ROS1: variants seen among roughly 807,000 people sequenced by gnomAD.
The protein encoded by ROS1 is proto-oncogene tyrosine-protein kinase ROS.
Under a neutral mutation model 273.5 loss-of-function variants are expected in ROS1, and 263 were observed. The ratio of observed to expected loss-of-function variants is 0.96; its 90% confidence interval spans 0.87 to 1.06. ROS1 has a LOEUF of 1.06. ROS1 is among the 50% of genes least tolerant of loss of function. The probability of loss-of-function intolerance (pLI) is 0.00; values close to 1 mark genes in which losing one functional copy is unlikely to be tolerated. For missense variants in ROS1, 2,833 were observed against 2,751.1 expected, an observed-to-expected ratio of 1.03 and a Z score of -0.67; for synonymous variants, 1,008 against 954.1, an observed-to-expected ratio of 1.06 and a Z score of -1.04.
intron 7 of ROS1, among the ~76,000 whole-genome samples, chr6:117,401,489 T>C (rs1582855751): frequency 6.6e-6 from 1 of 152,318 alleles, no homozygotes; most frequent in East Asian, 1.9e-4. Context: ...AGAAATAATA[T>C]TGACATTCCT....
intron 27 of ROS1, among the ~76,000 whole-genome samples, chr6:117,351,233 C>A (rs906551697): frequency 6.6e-6 from 1 of 151,326 alleles, no homozygotes; most frequent in Non-Finnish European, 1.5e-5. Flanking sequence ...TCTTTTCAGT[C>A]CCCCCACCCC....
Position 117,379,107 on chromosome 6 carries a change from T to C in ROS1, c.2534A>G (p.Gln845Arg). ...GTACAGGTGAATACATTGACTGTCT[T>C]GAACCAACCAATACAGGAGCCCATC... is the stretch of plus-strand genomic sequence containing the variant. ...LSDGLLYWLV[Q>R]DSQCIHLYTA... Residue 845 changes from glutamine (Q) to arginine (R), a missense_variant, in exon 18 of 44, where the codon CAA (glutamine) becomes CGA (arginine). Transcript: ENST00000368507. 2 of 1,613,414 alleles carry C rather than the reference T, an allele frequency of 1.2e-6. No individual in the cohort carries two copies. Among genetic ancestry groups the C allele is most frequent in the Middle Eastern group, 1.6e-4 (1 of 6,062 alleles).
intron 9 of ROS1, 127 bp from the exon 10 acceptor site, chr6:117,394,865 T>C: frequency 1.4e-6 from 1 of 715,640 alleles, no homozygotes; most frequent in Non-Finnish European, 2.2e-6. Context: ...TCAAATTTTC[T>C]CTAATGGCAC....
At chr6:117,383,928 C>T (rs1772360140) in intron 16 of ROS1, among the ~76,000 whole-genome samples, 1 of 152,156 alleles carries the variant, frequency 6.6e-6, no homozygotes, top group Admixed American at 6.5e-5. Context: ...TCATGATTAT[C>T]AATAATGTGC....
At chr6:117,307,839 A>G (rs2128544638) in intron 42 of ROS1, among the ~76,000 whole-genome samples, 1 of 152,232 alleles carries the variant, frequency 6.6e-6, no homozygotes, top group African/African-American at 2.4e-5. Flanking sequence ...AGGCAGTACA[A>G]CCATGGTGTG....
intron 27 of ROS1, among the ~76,000 whole-genome samples, chr6:117,348,592 T>C (rs1426337402): frequency 6.6e-6 from 1 of 151,920 alleles, no homozygotes; most frequent in Non-Finnish European, 1.5e-5. Flanking sequence ...ATTTCTACTA[T>C]ACTTCCTTTT....
chr6:117,338,842 A>G (rs1353441486), intron 31 of ROS1, among the ~76,000 whole-genome samples: 1 of 152,056 alleles, frequency 6.6e-6, no homozygotes, highest in East Asian at 1.9e-4. Context: ...GCAGGGGTGA[A>G]GGCTACCATA....
At chr6:117,409,242 G>GAA (rs58041928) in intron 5 of ROS1, among the ~76,000 whole-genome samples, 13 of 150,940 alleles carry the variant, frequency 8.6e-5, no homozygotes, top group East Asian at 2.0e-4. Flanking sequence ...AAAAAAGAGA[G>GAA]AAAAAAAACT....
intron 32 of ROS1, among the ~76,000 whole-genome samples, chr6:117,331,025 G>A (rs989179443): frequency 6.6e-6 from 1 of 152,128 alleles, no homozygotes; most frequent in Non-Finnish European, 1.5e-5. Context: ...TTCACAAGAT[G>A]GGTAGAAAAA....
At chr6:117,293,410 T>C (rs574288102) in intron 43 of ROS1, among the ~76,000 whole-genome samples, 4 of 152,324 alleles carry the variant, frequency 2.6e-5, no homozygotes, top group South Asian at 2.1e-4. Context: ...ATAGTATATA[T>C]ACAAACATAC....
intron 17 of ROS1, among the ~76,000 whole-genome samples, chr6:117,382,029 A>C (rs901894820): frequency 3.9e-5 from 6 of 152,182 alleles, no homozygotes; most frequent in African/African-American, 1.4e-4. Context: ...GAACACTGGG[A>C]AGATTACTGA....
chr6:117,420,077 T>G (rs1257507788), intron 1 of ROS1, among the ~76,000 whole-genome samples: 1 of 152,062 alleles, frequency 6.6e-6, no homozygotes, highest in Non-Finnish European at 1.5e-5. Flanking sequence ...TCAGCAACCC[T>G]ATAAGGTAGC....
At chr6:117,396,832 T>C (rs1773523782) in intron 8 of ROS1, 83 bp downstream of exon 8, 2 of 1,005,244 alleles carry the variant, frequency 2.0e-6, no homozygotes, top group South Asian at 1.5e-5. Flanking sequence ...ACATTTAAAC[T>C]ATTTGATACC....
At chr6:117,364,277 T>C (rs976322527) in intron 21 of ROS1, among the ~76,000 whole-genome samples, 2 of 152,232 alleles carry the variant, frequency 1.3e-5, no homozygotes, top group Non-Finnish European at 2.9e-5. Flanking sequence ...TCTATATTTA[T>C]TAAGCTCTTA....
chr6:117,421,276 T>C (rs1775735654), intron 1 of ROS1, among the ~76,000 whole-genome samples: 1 of 149,948 alleles, frequency 6.7e-6, no homozygotes, highest in Non-Finnish European at 1.5e-5. Flanking sequence ...ATATTTCCAA[T>C]ACCTTTTGGG....
intron 17 of ROS1, among the ~76,000 whole-genome samples, chr6:117,382,122 A>G (rs2128690628): frequency 6.6e-6 from 1 of 152,310 alleles, no homozygotes; most frequent in South Asian, 2.1e-4. Context: ...GCTTTTCCCT[A>G]ACAATTATAT....
At chr6:117,392,674 A>C (rs1773161394) in intron 12 of ROS1, among the ~76,000 whole-genome samples, 1 of 152,204 alleles carries the variant, frequency 6.6e-6, no homozygotes. Context: ...ACTCCAATTT[A>C]ACAGCAAGAC....
rs1454801222 is a variant in ROS1, at chr6:117,306,148, C to T, written c.6551+2646G>A. ...GCAATTGAACTTCAATACATGAAAA[C>T]GTCATAGTATTTTTCAGTATTAAAG... is the stretch of plus-strand genomic sequence containing the variant. On this transcript the variant is annotated intron_variant, in intron 42 of 43. Transcript: ENST00000368507. 4.0e-5 allele frequency among the ~76,000 whole-genome samples: 6 copies of T among 149,020 alleles called. No individual in the cohort carries two copies. In the East Asian group the frequency reaches 1.2e-3, roughly 30 times the overall value.
At chr6:117,402,902 A>G (rs886822260) in intron 7 of ROS1, among the ~76,000 whole-genome samples, 5 of 151,532 alleles carry the variant, frequency 3.3e-5, no homozygotes, top group African/African-American at 4.8e-5. Flanking sequence ...AAAAAAAAAA[A>G]AAAGAAAAGA....
Sources: allele counts gnomAD v4.1 joint callset (sites outside exome capture counted in the v4.1 genomes callset), GRCh38; gene constraint gnomAD v4.1.1; transcripts MANE v1.5; gene names NCBI Gene and HGNC (gene_info 2026-07-23, HGNC 2026-07-21).